The following MAP2K5 variants were observed in gnomAD, a reference collection of about 807,000 sequenced individuals.
MAP2K5 encodes the protein dual specificity mitogen-activated protein kinase kinase 5.
MAP2K5 carries 49 observed loss-of-function variants against 83.1 expected under a neutral mutation model. That is an observed-to-expected ratio of 0.59 (90% CI 0.47 to 0.75). MAP2K5 has a LOEUF of 0.75. MAP2K5 is among the 30% of genes least tolerant of loss of function. The pLI, the probability that MAP2K5 is intolerant of heterozygous loss-of-function variation, is 0.00. For synonymous variants in MAP2K5, 202 were observed against 191.8 expected (o/e 1.05, Z -0.44); for missense variants, 457 against 557.5 (o/e 0.82, Z 1.82).
In MAP2K5 at chr15:67,677,154, C is replaced by G. The variant is rs572805105; in HGVS notation, c.847+12509C>G. 1.3e-5 allele frequency among the ~76,000 whole-genome samples: 2 copies of G among 152,222 alleles called. No homozygotes were observed. The highest frequency in any genetic ancestry group is 2.1e-4 in the South Asian group (1 of 4,820). Reference sequence around the variant, plus strand: ...TCTTTGTGAACTTCCCAAGATCACCCAACTATTCACTGCCAAAGCTGGGAT... The same window carrying G: ...TCTTTGTGAACTTCCCAAGATCACCGAACTATTCACTGCCAAAGCTGGGAT... On this transcript the variant is annotated intron_variant, in intron 13 of 21. Transcript: ENST00000178640. The surrounding 1 kb of genome is among the most constrained non-coding windows in gnomAD (Gnocchi z 4.2).
In MAP2K5 at chr15:67,694,680, C is replaced by A. The variant is rs1479572928; in HGVS notation, c.972+1112C>A. Among the ~76,000 whole-genome samples the A allele has an allele frequency of 2.6e-5, 4 of 151,988 alleles. No individual in the cohort carries two copies. The East Asian group carries it at 5.8e-4, about 22-fold the overall frequency. Reference sequence around the variant, plus strand: ...TTGGTGGGACTGTAAACTAGTTCAACCATTGTGGAAGTCAGTGTGGCGATT... The same window carrying A: ...TTGGTGGGACTGTAAACTAGTTCAAACATTGTGGAAGTCAGTGTGGCGATT... On this transcript the variant is annotated intron_variant, in intron 15 of 21. Coordinates refer to ENST00000178640, the MANE Select transcript of MAP2K5 (RefSeq NM_145160.3).
At chr15:67,739,864 C>A (rs1187946687) in intron 17 of MAP2K5, among the ~76,000 whole-genome samples, 1 of 152,148 alleles carries the variant, frequency 6.6e-6, no homozygotes, top group Admixed American at 6.5e-5. Flanking sequence ...CAGTAGGCCA[C>A]ATCCAAATAT....
intron 13 of MAP2K5, among the ~76,000 whole-genome samples, chr15:67,682,155 A>G (rs1001658602): frequency 6.6e-5 from 10 of 152,242 alleles, no homozygotes; most frequent in East Asian, 1.9e-4. Context: ...GCTGTTGTCT[A>G]TGGCTTCGAG....
At position 67,652,844 on chromosome 15, in the gene MAP2K5, GTGACTAC is replaced by G. The variant is rs1280691450; in HGVS notation, c.737-5707_737-5701del. Among the ~76,000 whole-genome samples, 1 of 152,068 alleles carries G rather than the reference GTGACTAC, an allele frequency of 6.6e-6. No individual in the cohort carries two copies. Among genetic ancestry groups the G allele is most frequent in the African/African-American group, 2.4e-5 (1 of 41,382 alleles). On this transcript the variant is annotated intron_variant, in intron 11 of 21. Transcript: ENST00000178640. The surrounding 1 kb of genome is among the most constrained non-coding windows in gnomAD (Gnocchi z 4.2). ...AAACAGCATTATACTCTGTCTCTAT[GTGACTAC>G]TCTAGGTACCTCATATAATTGGAAT...
At chr15:67,683,405 G>T (rs895304981) in intron 13 of MAP2K5, among the ~76,000 whole-genome samples, 3 of 152,102 alleles carry the variant, frequency 2.0e-5, no homozygotes, top group Non-Finnish European at 4.4e-5. Flanking sequence ...CCTTAAAAAA[G>T]GATTCAAGGT....
At position 67,768,010 on chromosome 15, in the gene MAP2K5, G is replaced by T. The variant is rs1324153720; in HGVS notation, c.1135-1592G>T. 6.6e-6 allele frequency among the ~76,000 whole-genome samples: 1 copy of T among 152,092 alleles called. No homozygotes were observed. The highest frequency in any genetic ancestry group is 6.6e-5 in the Admixed American group (1 of 15,260). ...AAGAGGACAGATATGCAAAAACCAA[G>T]AAACATTTTGTTCATGTTTCTTTTC... is the stretch of plus-strand genomic sequence containing the variant. On this transcript the variant is annotated intron_variant, in intron 19 of 21. Coordinates refer to ENST00000178640, the MANE Select transcript of MAP2K5 (RefSeq NM_145160.3). The surrounding 1 kb of genome is among the most constrained non-coding windows in gnomAD (Gnocchi z 4.0).
At chr15:67,553,623 A>T (rs2084557273) in intron 2 of MAP2K5, among the ~76,000 whole-genome samples, 1 of 152,204 alleles carries the variant, frequency 6.6e-6, no homozygotes. Context: ...ATGTTTAAGA[A>T]ATAGTTGAGG....
intron 4 of MAP2K5, among the ~76,000 whole-genome samples, chr15:67,581,937 G>T (rs2085186289): frequency 6.6e-6 from 1 of 152,006 alleles, no homozygotes; most frequent in Admixed American, 6.6e-5. Context: ...GCCAGTGATA[G>T]TCCAAAACAA....
At chr15:67,600,872 C>T (rs2085644586) in intron 8 of MAP2K5, 123 bp downstream of exon 8, 2 of 638,286 alleles carry the variant, frequency 3.1e-6, no homozygotes, top group Non-Finnish European at 5.3e-6. Context: ...TATTTGACTC[C>T]AAAATTCTGC....
Position 67,672,256 on chromosome 15 carries a change from T to C in MAP2K5, c.847+7611T>C, listed in dbSNP as rs1200422521. ...TCGCCACACTGACTTCCACAATGGT[T>C]GAACTAGTTTACAGTCCCACCAACA... is the stretch of plus-strand genomic sequence containing the variant. On this transcript the variant is annotated intron_variant, in intron 13 of 21. Coordinates refer to ENST00000178640, the MANE Select transcript of MAP2K5 (RefSeq NM_145160.3). 9.1e-3 allele frequency among the ~76,000 whole-genome samples: 1,376 copies of C among 151,324 alleles called. 16 individuals are homozygous for C. The highest frequency in any genetic ancestry group is 0.032 in the African/African-American group (1,334 of 41,324).
intron 16 of MAP2K5, among the ~76,000 whole-genome samples, chr15:67,709,478 C>A (rs181719646): frequency 0.011 from 1,425 of 128,818 alleles, no homozygotes; most frequent in Non-Finnish European, 0.012. Context: ...GACTTCAGGG[C>A]AAAAAAAAAA....
At chr15:67,711,339 G>C (rs1215077026) in intron 16 of MAP2K5, among the ~76,000 whole-genome samples, 1 of 152,206 alleles carries the variant, frequency 6.6e-6, no homozygotes, top group African/African-American at 2.4e-5. Context: ...TTGTGAAGAA[G>C]AGCTTTCAGT....
In MAP2K5 at chr15:67,547,455, CTT is replaced by C. The variant is rs398057779; in HGVS notation, c.136-2562_136-2561del. Among the ~76,000 whole-genome samples, 567 of 128,708 alleles carry C rather than the reference CTT, an allele frequency of 4.4e-3. 1 individual carries two copies. The highest frequency in any genetic ancestry group is 7.2e-3 in the Non-Finnish European group (441 of 61,034). The allele number at this position is 128,708 out of a possible 152,430, so 84.4% of individuals were successfully genotyped here. A position where few individuals can be genotyped will look rare whatever the true frequency, so the allele number is the denominator to read the frequency against. The stretch of plus-strand genomic sequence containing the variant: ...TATGTAAACTTCGGTTTTCTTTTTT[CTT>C]TTTTTTTTTTTTTTTTGAGACAGAG... On this transcript the variant is annotated intron_variant, in intron 1 of 21. Transcript: ENST00000178640.
intron 21 of MAP2K5, among the ~76,000 whole-genome samples, chr15:67,791,394 T>C (rs1156961387): frequency 6.6e-6 from 1 of 152,100 alleles, no homozygotes; most frequent in Non-Finnish European, 1.5e-5. Context: ...GACTGACCTG[T>C]GAAGGCCAAG....
In MAP2K5 at chr15:67,802,592, G is replaced by T. The variant is rs1186653544; in HGVS notation, c.1243-4054G>T. On this transcript the variant is annotated intron_variant, in intron 21 of 21. Transcript: ENST00000178640. The surrounding 1 kb of genome is among the most constrained non-coding windows in gnomAD (Gnocchi z 5.0). ...GTGGCTCTCACTGCCTGGTGATGAG[G>T]CCAGCAAGATCTTTCAGCAGCTCCA... 6.6e-6 allele frequency among the ~76,000 whole-genome samples: 1 copy of T among 152,238 alleles called. No individual in the cohort carries two copies. Among genetic ancestry groups the T allele is most frequent in the Admixed American group, 6.5e-5 (1 of 15,288 alleles).
At position 67,577,968 on chromosome 15, in the gene MAP2K5, C is replaced by G. The variant is rs531563130; in HGVS notation, c.253-2786C>G. On this transcript the variant is annotated intron_variant, in intron 3 of 21. Transcript: ENST00000178640. The surrounding 1 kb of genome is among the most constrained non-coding windows in gnomAD (Gnocchi z 4.1). ...TGGGCCAAGATTGTGCCACTGTACT[C>G]TAGCCTGGGTGACAGAGCAAGACTC... is the stretch of plus-strand genomic sequence containing the variant. Among the ~76,000 whole-genome samples, 5 of 152,212 alleles carry G rather than the reference C, an allele frequency of 3.3e-5. No homozygotes were observed. The highest frequency in any genetic ancestry group is 7.4e-5 in the Non-Finnish European group (5 of 68,008).
intron 16 of MAP2K5, among the ~76,000 whole-genome samples, chr15:67,721,640 A>T (rs1290762839): frequency 1.3e-5 from 2 of 152,316 alleles, no homozygotes; most frequent in East Asian, 3.9e-4. Flanking sequence ...TTACAGTATG[A>T]CCTTGAGCAA....
intron 11 of MAP2K5, among the ~76,000 whole-genome samples, chr15:67,655,080 T>A (rs941323861): frequency 2.7e-5 from 4 of 147,562 alleles, no homozygotes; most frequent in Non-Finnish European, 4.5e-5. Flanking sequence ...AAAAAAAAAA[T>A]AGTATACAAA....
chr15:67,803,954 C>T (rs1196152745), intron 21 of MAP2K5, among the ~76,000 whole-genome samples: 2 of 152,216 alleles, frequency 1.3e-5, no homozygotes, highest in Non-Finnish European at 2.9e-5. Flanking sequence ...GACCCTGCAG[C>T]CTCCATCAGT....
Sources: allele counts gnomAD v4.1 joint callset (sites outside exome capture counted in the v4.1 genomes callset), GRCh38; gene constraint gnomAD v4.1.1; non-coding constraint Gnocchi (gnomAD v3.1); transcripts MANE v1.5; gene names NCBI Gene and HGNC (gene_info 2026-07-23, HGNC 2026-07-21).